TRPV3: variants seen among roughly 807,000 people sequenced by gnomAD.
The protein encoded by TRPV3 is transient receptor potential cation channel subfamily V member 3, also known as VRL-3.
A neutral mutation model predicts 87.1 loss-of-function variants in TRPV3; 88 were observed. That is an observed-to-expected ratio of 1.01 (90% CI 0.85 to 1.21). TRPV3 has a LOEUF of 1.21. Among genes scored for constraint, TRPV3 ranks in the 50% most tolerant of loss-of-function variants. The pLI is 0.00. For missense variants in TRPV3, 1,054 were observed against 1,030.1 expected (o/e 1.02, Z -0.32); for synonymous variants, 438 against 423.3 (o/e 1.03, Z -0.43).
intron 14 of TRPV3, among the ~76,000 whole-genome samples, chr17:3,519,890 T>TGGATTGA (rs1567630908): frequency 3.0e-5 from 1 of 33,450 alleles, no homozygotes; most frequent in African/African-American, 1.1e-4. Context: ...GGATGGATGA[T>TGGATTGA]TGGATGGATG....
intron 13 of TRPV3, among the ~76,000 whole-genome samples, chr17:3,523,151 G>C (rs1329343168): frequency 6.6e-6 from 1 of 152,128 alleles, no homozygotes; most frequent in Admixed American, 6.6e-5. Flanking sequence ...TATTAATCCA[G>C]TTTAAATTTT....
chr17:3,524,808 C>CAAA (rs56919647), intron 12 of TRPV3, among the ~76,000 whole-genome samples: 4 of 81,850 alleles, frequency 4.9e-5, no homozygotes, highest in East Asian at 6.2e-4. Context: ...CTTGTCTCTA[C>CAAA]AAAAAAAAAA....
chr17:3,531,770 TTCCTCCTCTGTTGAAGCCGTTCTCCATC>T (rs1273487013), intron 8 of TRPV3, among the ~76,000 whole-genome samples: 1 of 152,090 alleles, frequency 6.6e-6, no homozygotes. Context: ...AGACACACAA[TTCCTCCTCTGTTGAAGCCGTTCTCCATC>T]TCCTCCTCCC....
At position 3,533,884 on chromosome 17, in the gene TRPV3, C is replaced by T. The variant is rs7207001; in HGVS notation, c.785-947G>A. Among the ~76,000 whole-genome samples, 1,306 of 152,266 alleles carry T rather than the reference C, an allele frequency of 8.6e-3. 24 individuals carry two copies. The highest frequency in any genetic ancestry group is 0.03 in the African/African-American group (1,229 of 41,534). On this transcript the variant is annotated intron_variant, in intron 7 of 17. Coordinates refer to ENST00000576742, the MANE Select transcript of TRPV3 (RefSeq NM_145068.4). ...AGTGCTTATTACCGATGGTCTCTCC[C>T]TGTCTAGAATGTAAGTTCCATGAGG...
chr17:3,514,068 T>C, intron 17 of TRPV3, 57 bp from the exon 18 acceptor site: 1 of 1,423,748 alleles, frequency 7.0e-7, no homozygotes, highest in Admixed American at 2.2e-5. Context: ...AGTGTGTTTC[T>C]TTTTTCTTTT....
At chr17:3,534,553 T>G (rs919099080) in intron 7 of TRPV3, among the ~76,000 whole-genome samples, 2 of 152,146 alleles carry the variant, frequency 1.3e-5, no homozygotes, top group Non-Finnish European at 2.9e-5. Flanking sequence ...CTGACTGCAG[T>G]GGTGGTGAAC....
intron 13 of TRPV3, among the ~76,000 whole-genome samples, chr17:3,523,236 C>A (rs57011822): frequency 0.023 from 3,543 of 152,272 alleles, 150 homozygotes; most frequent in African/African-American, 0.082. Context: ...CTGGTATTTG[C>A]AAACTAGTAT....
chr17:3,514,693 C>G, intron 16 of TRPV3, 21 bp from the exon 17 acceptor site: 1 of 1,561,440 alleles, frequency 6.4e-7, no homozygotes, highest in Non-Finnish European at 8.8e-7. Context: ...GATAATCATT[C>G]TTACTATTTC....
At chr17:3,522,639 G>A (rs763508346) in intron 13 of TRPV3, among the ~76,000 whole-genome samples, 3 of 150,690 alleles carry the variant, frequency 2.0e-5, no homozygotes, top group Admixed American at 1.3e-4. Flanking sequence ...GGCCAACATG[G>A]CGAAACCCCA....
chr17:3,516,443 T>G lies in TRPV3; in HGVS notation c.2198+14A>C. ...CCAAAGACCACCACCCCAGGGCCCT[T>G]CTCCCTTTGTTACCGCAAACACAGT... is the stretch of plus-strand genomic sequence containing the variant. On this transcript the variant is annotated intron_variant, in intron 16 of 17. Coordinates refer to ENST00000576742, the MANE Select transcript of TRPV3 (RefSeq NM_145068.4). The G allele has an allele frequency of 6.2e-7, 1 of 1,610,644 alleles. No individual in the cohort carries two copies. The highest frequency in any genetic ancestry group is 2.2e-5 in the East Asian group (1 of 44,852).
At chr17:3,540,898 T>A (rs1396182494) in intron 6 of TRPV3, among the ~76,000 whole-genome samples, 1 of 152,338 alleles carries the variant, frequency 6.6e-6, no homozygotes, top group Non-Finnish European at 1.5e-5. Context: ...GTTGCAACAG[T>A]CTTCCCTAGG....
intron 7 of TRPV3, among the ~76,000 whole-genome samples, 170 bp downstream of exon 7, chr17:3,535,403 C>T (rs1221761165): frequency 7.4e-6 from 1 of 135,518 alleles, no homozygotes; most frequent in Non-Finnish European, 1.6e-5. Flanking sequence ...TCTCCCTCCT[C>T]TCTCCTTCCT....
At chr17:3,547,735 G>A (rs998077907) in intron 2 of TRPV3, among the ~76,000 whole-genome samples, 1 of 152,212 alleles carries the variant, frequency 6.6e-6, no homozygotes, top group Non-Finnish European at 1.5e-5. Flanking sequence ...GCGGAGGGGA[G>A]GGGCAGGGCA....
rs202206746 is a variant in TRPV3, at chr17:3,543,540, C to T, written c.400G>A (p.Glu134Lys). ...FAAVSEGCVEELVELLVELQE... is the reference protein window; with the variant it reads ...FAAVSEGCVEKLVELLVELQE... ...AGCTCCACCAGCAACTCTACCAACT[C>T]CTCCACGCAGCCCTCAGACACGGCT... is the stretch of plus-strand genomic sequence containing the variant. The change falls in exon 5 of 18, where the codon GAG becomes AAG. Residue 134 changes from glutamate to lysine, a missense_variant. Physicochemically the swap from Glu to Lys is moderately conservative, Grantham distance 56. Coordinates refer to ENST00000576742, the MANE Select transcript of TRPV3 (RefSeq NM_145068.4). 1 of 1,614,138 alleles carries T rather than the reference C, an allele frequency of 6.2e-7. No individual in the cohort carries two copies. Among genetic ancestry groups the T allele is most frequent in the African/African-American group, 1.3e-5 (1 of 75,066 alleles).
chr17:3,556,299 C>A lies in TRPV3; in HGVS notation c.-3+1377G>T, dbSNP rs1162793836. 6.7e-6 allele frequency among the ~76,000 whole-genome samples: 1 copy of A among 149,622 alleles called. No individual in the cohort carries two copies. Among genetic ancestry groups the A allele is most frequent in the Non-Finnish European group, 1.5e-5 (1 of 67,608 alleles). On this transcript the variant is annotated intron_variant, in intron 1 of 17. Coordinates refer to ENST00000576742, the MANE Select transcript of TRPV3 (RefSeq NM_145068.4). This position sits in a 1 kb window ranked among gnomAD's most constrained non-coding sequence, Gnocchi z 4.2. Reference sequence around the variant, plus strand: ...TCTGGGTTACATAGGAGAGCGCGGGCTGCGTTGGGGGGTGGGGGAGACCAG... The same window carrying A: ...TCTGGGTTACATAGGAGAGCGCGGGATGCGTTGGGGGGTGGGGGAGACCAG...
chr17:3,555,661 G>A (rs2074621714), intron 1 of TRPV3, among the ~76,000 whole-genome samples: 1 of 152,000 alleles, frequency 6.6e-6, no homozygotes, highest in East Asian at 1.9e-4. Context: ...GGGGATTGGG[G>A]AAGGGGGACT....
intron 6 of TRPV3, among the ~76,000 whole-genome samples, chr17:3,536,646 G>A (rs145313909): frequency 1.3e-5 from 2 of 152,288 alleles, no homozygotes; most frequent in East Asian, 1.9e-4. Flanking sequence ...GAGTTGGAGG[G>A]CACATGAAGG....
chr17:3,556,150 C>A lies in TRPV3; in HGVS notation c.-2-1298G>T, dbSNP rs2074629424. Among the ~76,000 whole-genome samples the A allele has an allele frequency of 6.7e-6, 1 of 149,606 alleles. No individual in the cohort carries two copies. Among genetic ancestry groups the A allele is most frequent in the Admixed American group, 6.7e-5 (1 of 14,838 alleles). ...CGAGATTGTGCCACTGCACTCCAGCCTGGGCGACAGAGCGAGACTCCGTCT... is the reference window on the plus strand; with the variant it reads ...CGAGATTGTGCCACTGCACTCCAGCATGGGCGACAGAGCGAGACTCCGTCT... On this transcript the variant is annotated intron_variant, in intron 1 of 17. Coordinates refer to ENST00000576742, the MANE Select transcript of TRPV3 (RefSeq NM_145068.4). The surrounding 1 kb of genome is among the most constrained non-coding windows in gnomAD (Gnocchi z 4.2).
intron 14 of TRPV3, among the ~76,000 whole-genome samples, 154 bp from the exon 15 acceptor site, chr17:3,519,004 G>A (rs1166261693): frequency 3.9e-5 from 6 of 152,150 alleles, no homozygotes; most frequent in African/African-American, 9.7e-5. Flanking sequence ...AGCCTCATCA[G>A]GCTGGCTTCT....
Sources: allele counts gnomAD v4.1 joint callset (sites outside exome capture counted in the v4.1 genomes callset), GRCh38; gene constraint gnomAD v4.1.1; non-coding constraint Gnocchi (gnomAD v3.1); transcripts MANE v1.5; gene names NCBI Gene and HGNC (gene_info 2026-07-23, HGNC 2026-07-21).